ERC1: variants seen among roughly 807,000 people sequenced by gnomAD.
ERC1 encodes ELKS/RAB6-interacting/CAST family member 1, also known as RAB6 interacting protein 2.
ERC1 carries 56 observed loss-of-function variants against 132.0 expected under a neutral mutation model. The ratio of observed to expected loss-of-function variants is 0.42; its 90% CI spans 0.34 to 0.53. ERC1 has a LOEUF of 0.53. ERC1 is among the 20% of genes least tolerant of loss of function. The probability of loss-of-function intolerance (pLI) is 0.03; values close to 1 mark genes in which losing one functional copy is unlikely to be tolerated. For synonymous variants in ERC1, 478 were observed against 476.1 expected (o/e 1.00, Z -0.05); for missense variants, 1,202 against 1,349.9 (o/e 0.89, Z 1.72).
chr12:1,387,602 G>C (rs545710836), intron 16 of ERC1, among the ~76,000 whole-genome samples: 1 of 152,306 alleles, frequency 6.6e-6, no homozygotes, highest in South Asian at 2.1e-4. Flanking sequence ...AGATACAGAA[G>C]ATAAGGTGAT....
At chr12:1,003,119 C>A (rs200433737) in intron 1 of ERC1, among the ~76,000 whole-genome samples, 6,561 of 84,568 alleles carry the variant, frequency 0.078, 306 homozygotes, top group Admixed American at 0.19. Context: ...AAAAAAGACT[C>A]AAAAAAAAAA....
At chr12:1,355,076 T>A (rs1027806403) in intron 15 of ERC1, among the ~76,000 whole-genome samples, 4 of 152,160 alleles carry the variant, frequency 2.6e-5, no homozygotes, top group African/African-American at 7.2e-5. Context: ...TAGGTAGGGT[T>A]GGAACTTTTT....
intron 14 of ERC1, among the ~76,000 whole-genome samples, chr12:1,274,410 G>A (rs1038404641): frequency 1.3e-5 from 2 of 152,140 alleles, no homozygotes; most frequent in Non-Finnish European, 2.9e-5. Context: ...TTTTATAAAA[G>A]TGTGTAACAG....
intron 15 of ERC1, among the ~76,000 whole-genome samples, chr12:1,315,888 A>T (rs1462745652): frequency 6.6e-6 from 1 of 151,396 alleles, no homozygotes; most frequent in Non-Finnish European, 1.5e-5. Flanking sequence ...ACAGTATGAA[A>T]TGGTAAACAT....
intron 15 of ERC1, among the ~76,000 whole-genome samples, chr12:1,335,504 T>C (rs2083236823): frequency 6.6e-6 from 1 of 152,192 alleles, no homozygotes; most frequent in Non-Finnish European, 1.5e-5. Flanking sequence ...TTTTTGTCTT[T>C]AGTTCTGTTT....
At chr12:1,384,238 G>C (rs536227949) in intron 16 of ERC1, among the ~76,000 whole-genome samples, 2 of 152,274 alleles carry the variant, frequency 1.3e-5, no homozygotes, top group South Asian at 4.1e-4. Context: ...TCAGAATCCT[G>C]ACAGGTCAAA....
intron 15 of ERC1, among the ~76,000 whole-genome samples, chr12:1,304,622 CAAT>C (rs142345969): frequency 2.0e-5 from 3 of 152,128 alleles, no homozygotes; most frequent in Non-Finnish European, 4.4e-5. Context: ...GGGTGTCAGC[CAAT>C]TTATTGGAAG....
chr12:1,121,687 ATCTCTATCTCTATCTCTATCTGTG>A lies in ERC1; in HGVS notation c.1569+5676_1569+5699del, dbSNP rs1566012221. 6.8e-4 allele frequency among the ~76,000 whole-genome samples: 41 copies of A among 60,382 alleles called. 2 individuals carry two copies. Among genetic ancestry groups the A allele is most frequent in the Non-Finnish European group, 1.1e-3 (31 of 27,848 alleles). The allele number at this position is 60,382 out of a possible 152,430, so 39.6% of individuals were successfully genotyped here. A position where few individuals can be genotyped will look rare whatever the true frequency, so the allele number is the denominator to read the frequency against. ...TCTATCTCTATCTCTATCTATCTCT[ATCTCTATCTCTATCTCTATCTGTG>A]TCTCTATCTCTATCTCTATCTCTAT... On this transcript the variant is annotated intron_variant, in intron 7 of 18. Transcript: ENST00000360905.
intron 2 of ERC1, among the ~76,000 whole-genome samples, chr12:1,074,571 C>T (rs1941028748): frequency 1.3e-5 from 2 of 152,210 alleles, no homozygotes; most frequent in African/African-American, 4.8e-5. Flanking sequence ...GCTGGGATTA[C>T]AGGCATGAGC....
intron 13 of ERC1, among the ~76,000 whole-genome samples, chr12:1,258,810 A>G (rs943282428): frequency 1.3e-5 from 2 of 152,264 alleles, no homozygotes; most frequent in African/African-American, 4.8e-5. Flanking sequence ...GAAGAAATTC[A>G]TAGGACTTTT....
intron 17 of ERC1, chr12:1,410,472 T>A: frequency 8.1e-7 from 1 of 1,232,836 alleles, no homozygotes; most frequent in Non-Finnish European, 1.1e-6. Flanking sequence ...CAGCTTTCCT[T>A]AACTATAGAA....
At chr12:1,047,159 A>G (rs964762384) in intron 2 of ERC1, among the ~76,000 whole-genome samples, 1 of 152,126 alleles carries the variant, frequency 6.6e-6, no homozygotes, top group Non-Finnish European at 1.5e-5. Context: ...TTATTTCTGA[A>G]CTATTGAGTT....
chr12:1,256,934 C>G (rs1444634570), intron 13 of ERC1, among the ~76,000 whole-genome samples: 1 of 150,634 alleles, frequency 6.6e-6, no homozygotes, highest in Non-Finnish European at 1.5e-5. Context: ...GAGCTACATC[C>G]TCAGGTTCTA....
intron 1 of ERC1, among the ~76,000 whole-genome samples, chr12:999,167 C>G (rs1025218998): frequency 2.0e-5 from 3 of 152,094 alleles, no homozygotes; most frequent in Non-Finnish European, 4.4e-5. Flanking sequence ...GCCTCTCAGT[C>G]ACCTTTTGAG....
chr12:1,304,202 C>A (rs73031293), intron 15 of ERC1, among the ~76,000 whole-genome samples: 5,273 of 152,126 alleles, frequency 0.035, 103 homozygotes, highest in Middle Eastern at 0.075. Context: ...GTGTAAATAC[C>A]ACTACAGTCA....
chr12:1,018,558 TCTTAA>T (rs1161959927), intron 1 of ERC1, among the ~76,000 whole-genome samples: 8 of 152,246 alleles, frequency 5.3e-5, no homozygotes, highest in African/African-American at 1.7e-4. Context: ...GAGAAAACTT[TCTTAA>T]CTTGAGGAAA....
chr12:1,302,602 A>G (rs994108036), intron 15 of ERC1, among the ~76,000 whole-genome samples: 7 of 152,260 alleles, frequency 4.6e-5, no homozygotes, highest in Non-Finnish European at 5.9e-5. Flanking sequence ...GTTTTGTTCC[A>G]GACTACTGAA....
At chr12:1,091,568 C>T (rs1402431608) in intron 3 of ERC1, among the ~76,000 whole-genome samples, 2 of 152,144 alleles carry the variant, frequency 1.3e-5, no homozygotes, top group African/African-American at 4.8e-5. Context: ...ATTTACTGGA[C>T]ACCAACCATG....
At chr12:1,375,980 C>T (rs977476721) in intron 16 of ERC1, among the ~76,000 whole-genome samples, 2 of 152,060 alleles carry the variant, frequency 1.3e-5, no homozygotes, top group Non-Finnish European at 2.9e-5. Context: ...TCGTGATCCA[C>T]CTGTGTTTGC....
Sources: allele counts gnomAD v4.1 joint callset (sites outside exome capture counted in the v4.1 genomes callset), GRCh38; gene constraint gnomAD v4.1.1; transcripts MANE v1.5; gene names NCBI Gene and HGNC (gene_info 2026-07-23, HGNC 2026-07-21).